The following NXPE2 variants were observed in gnomAD, a reference collection of about 807,000 sequenced individuals.
NXPE2 encodes neurexophilin and PC-esterase domain family member 2.
NXPE2 carries 34 observed loss-of-function variants against 34.4 expected under a neutral mutation model. The observed-to-expected ratio is 0.99, with a 90% CI of 0.75 to 1.31. The LOEUF (loss-of-function observed/expected upper bound fraction) is 1.31. NXPE2 is among the 40% of genes most tolerant of loss of function. The pLI is 0.00. For missense variants in NXPE2, 649 were observed against 672.5 expected (o/e 0.97, Z 0.39); for synonymous variants, 235 against 231.3 (o/e 1.02, Z -0.15).
chr11:114,606,089 C>T, the NXPE2 span, among the ~76,000 whole-genome samples: 62 of 151,462 alleles, frequency 4.1e-4, 1 homozygote, highest in Admixed American at 4.1e-3. Flanking sequence ...ATAAGTATTA[C>T]CTCATGGGTA....
the NXPE2 span, among the ~76,000 whole-genome samples, chr11:114,494,309 C>G: frequency 1.3e-5 from 2 of 152,132 alleles, no homozygotes; most frequent in African/African-American, 4.8e-5. Context: ...TCGTTATCCA[C>G]CTCCTCTTTA....
chr11:114,701,951 G>T (rs1951372845), intron 3 of NXPE2, among the ~76,000 whole-genome samples: 1 of 152,152 alleles, frequency 6.6e-6, no homozygotes, highest in African/African-American at 2.4e-5. Context: ...TAGATGTGGT[G>T]GGGGTCCTGG....
At chr11:114,536,351 C>T in the NXPE2 span, among the ~76,000 whole-genome samples, 4 of 151,864 alleles carry the variant, frequency 2.6e-5, no homozygotes, top group African/African-American at 9.7e-5. Flanking sequence ...AAATTGACAC[C>T]CTAACATCAC....
chr11:114,755,347 C>G, the NXPE2 span, among the ~76,000 whole-genome samples: 1 of 152,166 alleles, frequency 6.6e-6, no homozygotes, highest in Non-Finnish European at 1.5e-5. Flanking sequence ...ACCAGACATC[C>G]CTTCCACTGA....
intron 3 of NXPE2, among the ~76,000 whole-genome samples, chr11:114,702,523 T>C (rs774269056): frequency 1.2e-4 from 19 of 152,160 alleles, no homozygotes; most frequent in Non-Finnish European, 1.6e-4. Context: ...ATTGCAATGA[T>C]TTGTTGAGCA....
At chr11:114,532,931 G>T in the NXPE2 span, among the ~76,000 whole-genome samples, 2 of 152,072 alleles carry the variant, frequency 1.3e-5, no homozygotes, top group South Asian at 2.1e-4. Flanking sequence ...TGATTGGATT[G>T]CAGCTGCAAT....
the NXPE2 span, among the ~76,000 whole-genome samples, chr11:114,579,884 G>C: frequency 2.0e-5 from 3 of 152,094 alleles, no homozygotes; most frequent in African/African-American, 7.2e-5. Flanking sequence ...AGCCTACTGG[G>C]TACATACTGA....
chr11:114,776,532 C>T, the NXPE2 span, among the ~76,000 whole-genome samples: 4 of 152,196 alleles, frequency 2.6e-5, no homozygotes, highest in East Asian at 1.9e-4. Context: ...CTTCAAGGCT[C>T]GGGGCTGGGC....
chr11:114,667,883 G>C, the NXPE2 span, among the ~76,000 whole-genome samples: 5 of 152,202 alleles, frequency 3.3e-5, no homozygotes, highest in South Asian at 8.3e-4. Flanking sequence ...GTTCTCAACT[G>C]CACAAACTAT....
chr11:114,696,835 A>G lies in NXPE2; in HGVS notation c.133-1210A>G, dbSNP rs190406014. Among the ~76,000 whole-genome samples, 154 of 152,320 alleles carry G rather than the reference A, an allele frequency of 1.0e-3. 1 individual carries two copies. Among genetic ancestry groups the G allele is most frequent in the Admixed American group, 8.5e-3 (130 of 15,300 alleles). ...AGTAGTCCTTAAATCTACTAAATATATATTCCAAGACCCCAGTGGATGCCT... is the reference window on the plus strand; with the variant it reads ...AGTAGTCCTTAAATCTACTAAATATGTATTCCAAGACCCCAGTGGATGCCT... On this transcript the variant is annotated intron_variant, in intron 2 of 5. Transcript: ENST00000389586.
At chr11:114,696,074 G>C (rs1023246368) in intron 2 of NXPE2, among the ~76,000 whole-genome samples, 11 of 151,684 alleles carry the variant, frequency 7.3e-5, no homozygotes, top group African/African-American at 2.7e-4. Flanking sequence ...CAGTGGCTCA[G>C]GTCTGTAATC....
the NXPE2 span, among the ~76,000 whole-genome samples, chr11:114,576,556 C>T: frequency 6.6e-6 from 1 of 151,868 alleles, no homozygotes; most frequent in African/African-American, 2.4e-5. Context: ...AGACAATTCT[C>T]CAAAGAAGAT....
chr11:114,679,801 C>T (rs138186409), intron 2 of NXPE2, 39 bp downstream of exon 2: 200 of 1,247,510 alleles, frequency 1.6e-4, no homozygotes, highest in East Asian at 1.2e-3. Context: ...CAGAAGGTCA[C>T]GGTGACTTCA....
the NXPE2 span, among the ~76,000 whole-genome samples, chr11:114,804,873 A>G: frequency 1.3e-5 from 2 of 152,216 alleles, no homozygotes; most frequent in Non-Finnish European, 2.9e-5. Context: ...AGATCTTGGC[A>G]AACTCCACAC....
At chr11:114,581,768 C>A in the NXPE2 span, 1 of 1,610,614 alleles carries the variant, frequency 6.2e-7, no homozygotes. Context: ...TTTCCATAAT[C>A]TCTACACCCA....
At chr11:114,486,425 A>G in the NXPE2 span, among the ~76,000 whole-genome samples, 6 of 152,152 alleles carry the variant, frequency 3.9e-5, no homozygotes, top group African/African-American at 1.4e-4. Context: ...GTAGGTTGCA[A>G]ATATTTTCTC....
At chr11:114,526,208 C>T in the NXPE2 span, among the ~76,000 whole-genome samples, 2 of 152,316 alleles carry the variant, frequency 1.3e-5, no homozygotes, top group African/African-American at 2.4e-5. Flanking sequence ...CAGGAAGGAA[C>T]ATGCTCCTGC....
the NXPE2 span, chr11:114,583,894 T>C: frequency 2.5e-6 from 1 of 394,116 alleles, no homozygotes; most frequent in South Asian, 2.1e-5. Flanking sequence ...TATGGGTTAT[T>C]GGGGCTGGCA....
chr11:114,657,386 C>T, the NXPE2 span, among the ~76,000 whole-genome samples: 4 of 152,134 alleles, frequency 2.6e-5, no homozygotes, highest in Non-Finnish European at 5.9e-5. Context: ...TGAAGTTCAG[C>T]ATTTTCTCTA....
Sources: gnomAD v4.1 joint callset for allele counts (sites outside exome capture counted in the v4.1 genomes callset) on GRCh38, gnomAD v4.1.1 for gene constraint, MANE v1.5 for transcripts, NCBI Gene and HGNC (gene_info 2026-07-23, HGNC 2026-07-21) for gene names.